DLGAP2: variants seen among roughly 807,000 people sequenced by gnomAD.
DLGAP2 encodes the protein DLG associated protein 2, also known as disks large-associated protein 2.
In DLGAP2, 26 loss-of-function variants were observed where a neutral mutation model predicts 100.3. The ratio of observed to expected loss-of-function variants is 0.26; its 90% CI spans 0.19 to 0.36. The LOEUF (loss-of-function observed/expected upper bound fraction) is 0.36, where lower values mean the gene tolerates loss of function less well. DLGAP2 is among the 10% of genes least tolerant of loss of function. The pLI is 1.00. For synonymous variants in DLGAP2, 886 were observed against 630.1 expected, an observed-to-expected ratio of 1.41 and a Z score of -6.08; for missense variants, 1,858 against 1,453.2, an observed-to-expected ratio of 1.28 and a Z score of -4.53.
chr8:1,634,252 GC>G (rs1189494940), intron 8 of DLGAP2, among the ~76,000 whole-genome samples: 1 of 152,206 alleles, frequency 6.6e-6, no homozygotes, highest in African/African-American at 2.4e-5. Flanking sequence ...TTCAAAGAAA[GC>G]TGTGGATCCT....
rs150933537 is a variant in DLGAP2 at position 965,633 on chromosome 8, C to G, written c.73+57667C>G. Reference sequence around the variant, plus strand: ...GTCTGGCCCCGCACTGCACACGGCACTGTTCACCACACAGGGCTCCTGAGT... The same window carrying G: ...GTCTGGCCCCGCACTGCACACGGCAGTGTTCACCACACAGGGCTCCTGAGT... On this transcript the variant is annotated intron_variant, in intron 2 of 14. Coordinates refer to ENST00000637795, the MANE Select transcript of DLGAP2 (RefSeq NM_001346810.2). 1.8e-4 allele frequency among the ~76,000 whole-genome samples: 25 copies of G among 138,378 alleles called. 1 individual carries two copies. The highest frequency in any genetic ancestry group is 7.3e-4 in the African/African-American group (25 of 34,472). The allele number at this position is 138,378 out of a possible 152,430, so 90.8% of individuals were successfully genotyped here. A position where few individuals can be genotyped will look rare whatever the true frequency, so the allele number is the denominator to read the frequency against.
At chr8:1,687,148 G>T (rs1799136389) in intron 12 of DLGAP2, among the ~76,000 whole-genome samples, 1 of 152,104 alleles carries the variant, frequency 6.6e-6, no homozygotes, top group Admixed American at 6.5e-5. Context: ...GATCACAGGG[G>T]TTACAAATAC....
Position 1,429,916 on chromosome 8 carries a change from T to C in DLGAP2, c.107-71450T>C, listed in dbSNP as rs529157606. On this transcript the variant is annotated intron_variant, in intron 3 of 14. Coordinates refer to ENST00000637795, the MANE Select transcript of DLGAP2 (RefSeq NM_001346810.2). ...ATGCTCAGAACCCATTTTACCTTCA[T>C]CATACACGGCCTTCTGCTTAATTTT... Among the ~76,000 whole-genome samples the C allele has an allele frequency of 6.8e-5, 10 of 147,648 alleles. No individual in the cohort carries two copies. The South Asian group carries it at 2.2e-3, about 33-fold the overall frequency.
intron 2 of DLGAP2, among the ~76,000 whole-genome samples, chr8:1,007,099 C>T (rs77627931): frequency 0.01 from 1,579 of 151,940 alleles, 27 homozygotes; most frequent in Non-Finnish European, 0.015. Context: ...TTTATCATGT[C>T]GGGGACGCCG....
At chr8:931,956 A>G (rs1488241881) in intron 2 of DLGAP2, among the ~76,000 whole-genome samples, 1 of 152,190 alleles carries the variant, frequency 6.6e-6, no homozygotes, top group Non-Finnish European at 1.5e-5. Flanking sequence ...CTGGAAGGAA[A>G]CGGAGGAATG....
chr8:1,174,921 T>C (rs982897663), intron 2 of DLGAP2, among the ~76,000 whole-genome samples: 14 of 152,066 alleles, frequency 9.2e-5, no homozygotes, highest in Admixed American at 3.3e-4. Context: ...AGAGAGCTTA[T>C]GTTGTTCATC....
chr8:1,094,256 A>G (rs1804293221), intron 2 of DLGAP2, among the ~76,000 whole-genome samples: 1 of 152,214 alleles, frequency 6.6e-6, no homozygotes, highest in African/African-American at 2.4e-5. Context: ...ACGCGAGTAA[A>G]GCTTTCAGCA....
chr8:1,283,069 A>T (rs1799850766), intron 3 of DLGAP2, among the ~76,000 whole-genome samples: 1 of 133,936 alleles, frequency 7.5e-6, no homozygotes. Flanking sequence ...TGAACCCAGC[A>T]CGTGAAGCAT....
At chr8:990,055 A>G (rs986704328) in intron 2 of DLGAP2, among the ~76,000 whole-genome samples, 3 of 152,060 alleles carry the variant, frequency 2.0e-5, no homozygotes, top group Non-Finnish European at 4.4e-5. Flanking sequence ...TTCATTACAG[A>G]TCACTGCTTC....
intron 2 of DLGAP2, among the ~76,000 whole-genome samples, chr8:994,750 C>T (rs1462927274): frequency 6.6e-6 from 1 of 152,174 alleles, no homozygotes; most frequent in African/African-American, 2.4e-5. Flanking sequence ...TGAATAGTTA[C>T]AGGTCAGACC....
At chr8:1,006,276 G>A (rs1013751499) in intron 2 of DLGAP2, among the ~76,000 whole-genome samples, 3 of 152,192 alleles carry the variant, frequency 2.0e-5, no homozygotes, top group African/African-American at 7.2e-5. Context: ...GGAGGATTGT[G>A]CCTTTATCAC....
intron 8 of DLGAP2, among the ~76,000 whole-genome samples, chr8:1,657,870 T>C (rs1001609432): frequency 5.3e-5 from 8 of 152,218 alleles, no homozygotes; most frequent in African/African-American, 1.9e-4. Flanking sequence ...CTGGTCCTTT[T>C]GTCACAGCCG....
chr8:884,305 G>A (rs1208285409), intron 1 of DLGAP2, among the ~76,000 whole-genome samples: 1 of 152,038 alleles, frequency 6.6e-6, no homozygotes, highest in East Asian at 2.0e-4. Flanking sequence ...AGTATCTCTT[G>A]TTTCTTGACT....
intron 2 of DLGAP2, among the ~76,000 whole-genome samples, chr8:1,071,988 C>G (rs1803445370): frequency 6.6e-6 from 1 of 152,150 alleles, no homozygotes; most frequent in South Asian, 2.1e-4. Context: ...GTGTGCTGGA[C>G]ATTGGCCGGC....
At chr8:762,754 C>T (rs568482542) in intron 1 of DLGAP2, among the ~76,000 whole-genome samples, 1 of 152,206 alleles carries the variant, frequency 6.6e-6, no homozygotes, top group African/African-American at 2.4e-5. Context: ...TCACAGCTCA[C>T]TGCAGCCTCA....
chr8:972,250 A>G (rs1800031758), intron 2 of DLGAP2, among the ~76,000 whole-genome samples: 1 of 152,248 alleles, frequency 6.6e-6, no homozygotes, highest in Admixed American at 6.5e-5. Context: ...CCATCATGCA[A>G]CGAAAAACCT....
intron 3 of DLGAP2, among the ~76,000 whole-genome samples, chr8:1,332,144 T>C (rs1438829297): frequency 6.6e-6 from 1 of 152,132 alleles, no homozygotes; most frequent in South Asian, 2.1e-4. Flanking sequence ...GGTGTAGAAA[T>C]GGGGGTGTGT....
intron 2 of DLGAP2, among the ~76,000 whole-genome samples, chr8:947,665 G>A (rs1799363044): frequency 6.6e-6 from 1 of 152,136 alleles, no homozygotes; most frequent in Non-Finnish European, 1.5e-5. Flanking sequence ...TCTTGGCCGG[G>A]CCATCCTGTC....
chr8:903,029 A>C (rs1458641075), intron 1 of DLGAP2, among the ~76,000 whole-genome samples: 1 of 103,852 alleles, frequency 9.6e-6, no homozygotes, highest in South Asian at 3.9e-4. Flanking sequence ...GGGGGGTGGA[A>C]AGAGTGCGGG....
Sources: gnomAD v4.1 joint callset for allele counts (sites outside exome capture counted in the v4.1 genomes callset) on GRCh38, gnomAD v4.1.1 for gene constraint, MANE v1.5 for transcripts, NCBI Gene and HGNC (gene_info 2026-07-23, HGNC 2026-07-21) for gene names.